Variants in MESP1 observed in about 807,000 individuals in gnomAD.
MESP1 encodes the protein mesoderm posterior bHLH transcription factor 1.
A neutral mutation model predicts 15.2 loss-of-function variants in MESP1; 22 were observed. That is an observed-to-expected ratio of 1.45 (90% CI 1.04 to 2.07). MESP1 has a LOEUF of 2.07. Among genes scored for constraint, MESP1 ranks in the 30% most tolerant of loss-of-function variants. The pLI, the probability that MESP1 is intolerant of heterozygous loss-of-function variation, is 0.00. For missense variants in MESP1, 484 were observed against 411.9 expected (o/e 1.17, Z -1.51); for synonymous variants, 216 against 192.6 (o/e 1.12, Z -1.01).
the MESP1 span, chr15:89,735,468 C>G: frequency 6.2e-7 from 1 of 1,612,332 alleles, no homozygotes; most frequent in Admixed American, 1.7e-5. Context: ...AGGAGAATGT[C>G]TGTATATTTT....
chr15:89,743,322 G>A, the MESP1 span: 1 of 1,614,210 alleles, frequency 6.2e-7, no homozygotes, highest in Non-Finnish European at 8.5e-7. Flanking sequence ...ACCCAGAGAA[G>A]GAGGAGGAGC....
At chr15:89,740,959 G>C in the MESP1 span, among the ~76,000 whole-genome samples, 1 of 151,926 alleles carries the variant, frequency 6.6e-6, no homozygotes, top group African/African-American at 2.4e-5. Context: ...GGCCAAAATG[G>C]TGAAACCCCG....
At chr15:89,737,899 G>A in the MESP1 span, 2 of 1,307,886 alleles carry the variant, frequency 1.5e-6, no homozygotes, top group Non-Finnish European at 2.1e-6. Context: ...ATGCCAGCAG[G>A]GTCTTCTCTC....
the MESP1 span, chr15:89,735,425 A>G: frequency 2.6e-6 from 4 of 1,524,192 alleles, no homozygotes; most frequent in Admixed American, 3.4e-5. Flanking sequence ...ATATGCCTAG[A>G]AGAGGATATC....
the MESP1 span, among the ~76,000 whole-genome samples, chr15:89,733,753 T>C: frequency 6.6e-6 from 1 of 152,172 alleles, no homozygotes; most frequent in Non-Finnish European, 1.5e-5. Flanking sequence ...TGTGGACCCT[T>C]GACCTTGGAC....
At chr15:89,738,985 A>G in the MESP1 span, among the ~76,000 whole-genome samples, 2 of 151,986 alleles carry the variant, frequency 1.3e-5, no homozygotes, top group Non-Finnish European at 2.9e-5. Flanking sequence ...GTGGTAGCAC[A>G]TGCCTTTTGT....
downstream of MESP1, among the ~76,000 whole-genome samples, chr15:89,747,146 A>C (rs952775308): frequency 2.6e-4 from 34 of 130,316 alleles, 1 homozygote; most frequent in African/African-American, 8.9e-4. Flanking sequence ...ACACACACAC[A>C]CCCCTACCTT....
chr15:89,733,006 G>A, the MESP1 span: 1 of 1,614,012 alleles, frequency 6.2e-7, no homozygotes, highest in East Asian at 2.2e-5. Flanking sequence ...CTTTCTCTAG[G>A]ATTCCCTCTT....
the MESP1 span, chr15:89,743,201 A>G: frequency 3.2e-6 from 4 of 1,266,660 alleles, no homozygotes; most frequent in South Asian, 2.4e-5. Flanking sequence ...AGTTTCTCAT[A>G]GGAGCACAGG....
Position 89,751,246 on chromosome 15 carries a change from G to T in MESP1, c.-15C>A. 1 of 1,233,456 alleles carries T rather than the reference G, an allele frequency of 8.1e-7. No homozygotes were observed. Among genetic ancestry groups the T allele is most frequent in the East Asian group, 3.1e-5 (1 of 31,770 alleles). The allele number at this position is 1,233,456 out of a possible 1,614,324, so 76.4% of individuals were successfully genotyped here. On this transcript the variant is annotated 5_prime_UTR_variant, in exon 1 of 2. Transcript: ENST00000300057. Reference sequence around the variant, plus strand: ...GGCTGGGCCATGGCAGCGGCGGCGCGTCTGGGGGCCGGCGGCCGGCGGCCG... The same window carrying T: ...GGCTGGGCCATGGCAGCGGCGGCGCTTCTGGGGGCCGGCGGCCGGCGGCCG...
the MESP1 span, among the ~76,000 whole-genome samples, chr15:89,736,251 C>T: frequency 2.6e-5 from 4 of 152,158 alleles, no homozygotes; most frequent in South Asian, 2.1e-4. Context: ...GGTTGATCCT[C>T]GCTTGCAGAG....
At chr15:89,745,398 G>A (rs1241076020), downstream of MESP1, among the ~76,000 whole-genome samples, 1 of 152,188 alleles carries the variant, frequency 6.6e-6, no homozygotes, top group Non-Finnish European at 1.5e-5. The surrounding 1 kb of genome is among the most constrained non-coding windows in gnomAD (Gnocchi z 4.8). Context: ...GCAGCCCCAG[G>A]CAGAGCTGGC....
chr15:89,745,098 G>A (rs1481841668), downstream of MESP1, among the ~76,000 whole-genome samples: 2 of 152,198 alleles, frequency 1.3e-5, no homozygotes, highest in Non-Finnish European at 2.9e-5. This position sits in a 1 kb window ranked among gnomAD's most constrained non-coding sequence, Gnocchi z 4.8. Flanking sequence ...AGGAAGGCAG[G>A]AGGGATACTG....
the MESP1 span, among the ~76,000 whole-genome samples, chr15:89,739,641 G>A: frequency 1.3e-5 from 2 of 152,100 alleles, no homozygotes; most frequent in African/African-American, 4.8e-5. Flanking sequence ...CACACATTTC[G>A]GGTGGACTGG....
chr15:89,739,955 C>T, the MESP1 span, among the ~76,000 whole-genome samples: 1 of 152,142 alleles, frequency 6.6e-6, no homozygotes, highest in Non-Finnish European at 1.5e-5. Context: ...CCAAACAGAC[C>T]TGAGTTTGAT....
the MESP1 span, among the ~76,000 whole-genome samples, chr15:89,740,611 C>T: frequency 2.0e-5 from 3 of 152,118 alleles, no homozygotes; most frequent in East Asian, 1.9e-4. Context: ...AAGCGATTCT[C>T]CTGCCTCAGC....
chr15:89,737,957 C>A, the MESP1 span: 3 of 1,440,804 alleles, frequency 2.1e-6, no homozygotes, highest in Non-Finnish European at 2.8e-6. Flanking sequence ...AAGCAGAGAG[C>A]AGCCCCCACC....
the MESP1 span, chr15:89,743,573 G>A: frequency 1.6e-6 from 1 of 607,010 alleles, no homozygotes; most frequent in Non-Finnish European, 2.9e-6. Flanking sequence ...CAACCACTAA[G>A]CCTCTTGTCA....
chr15:89,750,264 C>T (rs562910584), intron 1 of MESP1, 37 bp from the exon 2 acceptor site: 1 of 1,610,918 alleles, frequency 6.2e-7, no homozygotes, highest in African/African-American at 1.3e-5. Flanking sequence ...CCCTCAAGCA[C>T]TGGTGGCCTT....
Sources: allele counts gnomAD v4.1 joint callset (sites outside exome capture counted in the v4.1 genomes callset), GRCh38; gene constraint gnomAD v4.1.1; non-coding constraint Gnocchi (gnomAD v3.1); transcripts MANE v1.5; gene names NCBI Gene and HGNC (gene_info 2026-07-23, HGNC 2026-07-21).